PRKN: variants seen among roughly 807,000 people sequenced by gnomAD.
PRKN encodes E3 ubiquitin-protein ligase parkin.
PRKN carries 56 observed loss-of-function variants against 59.5 expected under a neutral mutation model. That is an observed-to-expected ratio of 0.94 (90% CI 0.76 to 1.18). PRKN has a LOEUF of 1.18. Ranked by LOEUF, PRKN falls within the 50% of genes most tolerant of loss-of-function variation. The pLI is 0.00. For synonymous variants in PRKN, 250 were observed against 222.1 expected (o/e 1.13, Z -1.12); for missense variants, 657 against 596.4 (o/e 1.10, Z -1.06).
chr6:162,230,716 G>C (rs963384255), intron 3 of PRKN, among the ~76,000 whole-genome samples: 11 of 152,188 alleles, frequency 7.2e-5, no homozygotes, highest in Non-Finnish European at 1.6e-4. Context: ...TCCCATTCTT[G>C]CTTTGCTGTC....
At chr6:162,035,978 C>G (rs185981187) in intron 5 of PRKN, among the ~76,000 whole-genome samples, 52 of 152,180 alleles carry the variant, frequency 3.4e-4, no homozygotes, top group African/African-American at 5.8e-4. Context: ...TTAAATATCT[C>G]CAAGTGTAGA....
At chr6:161,646,125 C>G (rs112603491) in intron 7 of PRKN, among the ~76,000 whole-genome samples, 1,789 of 26,272 alleles carry the variant, frequency 0.068, 177 homozygotes, top group Middle Eastern at 0.13. Context: ...TGACAGTGGT[C>G]ACTGCGTGTG....
chr6:161,434,852 A>G (rs888732421), intron 9 of PRKN, among the ~76,000 whole-genome samples: 2 of 152,192 alleles, frequency 1.3e-5, no homozygotes, highest in Non-Finnish European at 2.9e-5. Flanking sequence ...ATCTTTAAAA[A>G]TAAAACAAAA....
intron 3 of PRKN, among the ~76,000 whole-genome samples, chr6:162,227,933 T>TAAA (rs200671069): frequency 7.0e-6 from 1 of 141,978 alleles, no homozygotes. Flanking sequence ...GTAGTTCCAT[T>TAAA]AAAAAAAAAA....
intron 1 of PRKN, among the ~76,000 whole-genome samples, chr6:162,701,474 CAA>C (rs1028742457): frequency 7.2e-6 from 1 of 139,284 alleles, no homozygotes; most frequent in Admixed American, 7.2e-5. Context: ...AGATGCATTG[CAA>C]AAAAAAAAAA....
intron 6 of PRKN, among the ~76,000 whole-genome samples, chr6:161,858,453 A>C (rs9355938): frequency 0.5 from 75,454 of 151,700 alleles, 18,992 homozygotes; most frequent in East Asian, 0.76. Context: ...ACATGTCATC[A>C]CATTGCACGA....
At chr6:162,072,216 A>G (rs1312724279) in intron 4 of PRKN, among the ~76,000 whole-genome samples, 1 of 152,070 alleles carries the variant, frequency 6.6e-6, no homozygotes, top group Admixed American at 6.6e-5. Context: ...TGAACCAGGG[A>G]GGCAGAGGTT....
At chr6:162,285,775 C>A (rs1781161180) in intron 2 of PRKN, among the ~76,000 whole-genome samples, 1 of 152,166 alleles carries the variant, frequency 6.6e-6, no homozygotes, top group South Asian at 2.1e-4. Flanking sequence ...GTTGGCTACA[C>A]TGATTCCTTT....
At chr6:162,393,440 C>T (rs1469344952) in intron 2 of PRKN, among the ~76,000 whole-genome samples, 2 of 151,918 alleles carry the variant, frequency 1.3e-5, no homozygotes, top group Non-Finnish European at 2.9e-5. Context: ...GATTACAGGC[C>T]TGAGCCACCA....
At chr6:162,159,744 C>T (rs1390991635) in intron 4 of PRKN, among the ~76,000 whole-genome samples, 1 of 152,188 alleles carries the variant, frequency 6.6e-6, no homozygotes, top group Admixed American at 6.5e-5. Flanking sequence ...GTGGTATTAG[C>T]ATCAGGACAG....
chr6:161,501,403 G>C (rs918343856), intron 9 of PRKN, among the ~76,000 whole-genome samples: 1 of 151,960 alleles, frequency 6.6e-6, no homozygotes, highest in African/African-American at 2.4e-5. Flanking sequence ...ATGCTTTTTT[G>C]CATCTGTATA....
chr6:161,846,751 A>G (rs2128221648), intron 6 of PRKN, among the ~76,000 whole-genome samples: 1 of 152,334 alleles, frequency 6.6e-6, no homozygotes, highest in South Asian at 2.1e-4. Context: ...ATCATGTAGA[A>G]AAAGAAAATT....
At chr6:162,262,895 T>A (rs1779957334) in intron 2 of PRKN, 130 bp from the exon 3 acceptor site, 1 of 1,153,128 alleles carries the variant, frequency 8.7e-7, no homozygotes, top group Admixed American at 2.1e-5. Flanking sequence ...CCAACTTAGG[T>A]GCTCCTTTGC....
chr6:162,686,853 CT>C (rs1340604544), intron 1 of PRKN, among the ~76,000 whole-genome samples: 1 of 152,112 alleles, frequency 6.6e-6, no homozygotes, highest in African/African-American at 2.4e-5. Flanking sequence ...TCTGGGTTCT[CT>C]ATTCTGTTTC....
At chr6:161,753,773 A>G (rs543182796) in intron 7 of PRKN, among the ~76,000 whole-genome samples, 139 of 152,320 alleles carry the variant, frequency 9.1e-4, no homozygotes, top group South Asian at 1.9e-3. Flanking sequence ...CCAGAGAAGG[A>G]TGCAAATGGC....
intron 2 of PRKN, among the ~76,000 whole-genome samples, chr6:162,372,691 G>T (rs367990513): frequency 3.3e-5 from 5 of 152,000 alleles, no homozygotes; most frequent in African/African-American, 1.2e-4. Context: ...ACCTACACAG[G>T]TACCACCTGA....
chr6:162,578,358 C>T (rs1046946453), intron 1 of PRKN, among the ~76,000 whole-genome samples: 5 of 151,986 alleles, frequency 3.3e-5, no homozygotes, highest in East Asian at 1.9e-4. Context: ...TGCATATATG[C>T]GCATGCCTAA....
intron 2 of PRKN, among the ~76,000 whole-genome samples, chr6:162,339,377 G>T (rs1269006593): frequency 6.9e-6 from 1 of 145,002 alleles, no homozygotes. Flanking sequence ...CGCCCCGTCC[G>T]GGAGGGAGGT....
intron 1 of PRKN, among the ~76,000 whole-genome samples, chr6:162,563,497 C>T (rs12189949): frequency 0.31 from 46,668 of 152,012 alleles, 7,618 homozygotes; most frequent in East Asian, 0.49. Flanking sequence ...GCTTAGATCA[C>T]AATACCCAAG....
Sources: allele counts gnomAD v4.1 joint callset (sites outside exome capture counted in the v4.1 genomes callset), GRCh38; gene constraint gnomAD v4.1.1; transcripts MANE v1.5; gene names NCBI Gene and HGNC (gene_info 2026-07-23, HGNC 2026-07-21).